The following FSHR variants were observed in gnomAD, a reference collection of about 807,000 sequenced individuals.
FSHR encodes follicle stimulating hormone receptor, also known as follicle-stimulating hormone receptor.
Under a neutral mutation model 52.1 loss-of-function variants are expected in FSHR, and 46 were observed. The ratio of observed to expected loss-of-function variants is 0.88; its 90% CI spans 0.70 to 1.13. The LOEUF is 1.13. Among genes scored for constraint, FSHR ranks in the 50% most tolerant of loss-of-function variants. The pLI, the probability that FSHR is intolerant of heterozygous loss-of-function variation, is 0.00. For synonymous variants in FSHR, 399 were observed against 309.6 expected, an observed-to-expected ratio of 1.29 and a Z score of -3.03; for missense variants, 964 against 834.6, an observed-to-expected ratio of 1.16 and a Z score of -1.91.
rs60949511 is a variant in FSHR at position 49,087,070 on chromosome 2, G to GATTTTTT, written c.153-18781_153-18780insAAAAAAT. On this transcript the variant is annotated intron_variant, in intron 1 of 9. Coordinates refer to ENST00000406846, the MANE Select transcript of FSHR (RefSeq NM_000145.4). ...GTAGTTGAGGGACCCTGTGGGCAGG[G>GATTTTTT]TTTTTTTTTTTTTTTTTTTTTTTTT... is the stretch of plus-strand genomic sequence containing the variant. Among the ~76,000 whole-genome samples, 52 of 86,724 alleles carry GATTTTTT rather than the reference G, an allele frequency of 6.0e-4. 1 individual carries two copies. The highest frequency in any genetic ancestry group is 2.1e-3 in the African/African-American group (48 of 23,374). 56.9% of individuals were successfully genotyped at this position (86,724 alleles called of 152,430 possible).
intron 2 of FSHR, among the ~76,000 whole-genome samples, chr2:49,037,230 G>A (rs962230405): frequency 2.0e-5 from 3 of 152,232 alleles, no homozygotes; most frequent in Non-Finnish European, 4.4e-5. Context: ...ACATGATTAT[G>A]TTGGGTGAGA....
intron 1 of FSHR, among the ~76,000 whole-genome samples, chr2:49,071,111 A>T (rs555255102): frequency 2.0e-5 from 3 of 152,298 alleles, no homozygotes; most frequent in African/African-American, 4.8e-5. Context: ...CATCTCATAC[A>T]CATTCTAGAA....
intron 1 of FSHR, among the ~76,000 whole-genome samples, chr2:49,071,090 A>G (rs1422432178): frequency 6.6e-6 from 1 of 152,208 alleles, no homozygotes; most frequent in African/African-American, 2.4e-5. Flanking sequence ...TGGAATGTAA[A>G]GATACATTTT....
chr2:48,962,790 T>C lies in FSHR; in HGVS notation c.2031A>G (p.Arg677=). The C allele has an allele frequency of 6.2e-7, 1 of 1,614,144 alleles. No homozygotes were observed. ...PRNGHCSSAP[R]VTSGSTYILV... Reference sequence around the variant, plus strand: ...GTATGTAAGTGGAACCACTGGTGACTCTGGGAGCTGAAGAGCAGTGGCCAT... The same window carrying C: ...GTATGTAAGTGGAACCACTGGTGACCCTGGGAGCTGAAGAGCAGTGGCCAT... Residue 677 remains arginine, a synonymous_variant, in exon 10 of 10, where the codon AGA becomes AGG. Transcript: ENST00000406846.
chr2:48,969,404 G>A (rs1674630932), intron 8 of FSHR, among the ~76,000 whole-genome samples: 1 of 152,218 alleles, frequency 6.6e-6, no homozygotes, highest in African/African-American at 2.4e-5. Context: ...AAGTCCAAGT[G>A]GCAGTACAGA....
At chr2:49,132,735 C>A (rs969432125) in intron 1 of FSHR, among the ~76,000 whole-genome samples, 12 of 152,010 alleles carry the variant, frequency 7.9e-5, no homozygotes, top group Non-Finnish European at 1.6e-4. Context: ...TACCTAACTG[C>A]TTTGCTTCTT....
intron 1 of FSHR, among the ~76,000 whole-genome samples, chr2:49,134,322 C>T (rs1252732447): frequency 6.6e-6 from 1 of 152,236 alleles, no homozygotes; most frequent in African/African-American, 2.4e-5. Flanking sequence ...AAATGCTCAT[C>T]ATCACTGGCC....
chr2:49,080,369 C>T (rs996597222), intron 1 of FSHR, among the ~76,000 whole-genome samples: 1 of 152,138 alleles, frequency 6.6e-6, no homozygotes, highest in African/African-American at 2.4e-5. Context: ...CACATGTACA[C>T]CTGGGGTCAG....
chr2:48,971,374 G>A (rs550900835), intron 8 of FSHR, among the ~76,000 whole-genome samples: 21 of 152,296 alleles, frequency 1.4e-4, no homozygotes, highest in East Asian at 5.8e-4. Context: ...TTCAGCTCTC[G>A]TTGAACAGAT....
At chr2:49,086,727 A>G (rs1670407080) in intron 1 of FSHR, among the ~76,000 whole-genome samples, 1 of 152,152 alleles carries the variant, frequency 6.6e-6, no homozygotes, top group Admixed American at 6.5e-5. Flanking sequence ...TGCAAACTCC[A>G]CATGCCAGGT....
At chr2:49,089,185 A>G (rs1210836844) in intron 1 of FSHR, among the ~76,000 whole-genome samples, 3 of 151,998 alleles carry the variant, frequency 2.0e-5, no homozygotes, top group African/African-American at 7.3e-5. Context: ...GATTATATCT[A>G]CACCTATTCC....
chr2:49,034,380 C>T (rs1172893813), intron 2 of FSHR, among the ~76,000 whole-genome samples: 2 of 152,156 alleles, frequency 1.3e-5, no homozygotes, highest in Non-Finnish European at 2.9e-5. Flanking sequence ...GTTAACTTCC[C>T]CAAATCTCCT....
chr2:49,011,685 C>T (rs1158378324), intron 4 of FSHR, among the ~76,000 whole-genome samples: 1 of 152,018 alleles, frequency 6.6e-6, no homozygotes, highest in Non-Finnish European at 1.5e-5. Context: ...TTTCAGAAAG[C>T]AAAGTTAAGC....
chr2:49,022,598 T>A (rs760265023), intron 2 of FSHR, among the ~76,000 whole-genome samples: 5 of 152,210 alleles, frequency 3.3e-5, no homozygotes, highest in Non-Finnish European at 5.9e-5. Flanking sequence ...GTTGGTATTT[T>A]GGTCTCCACA....
rs576118352 is a variant in FSHR, at chr2:49,081,437, C to G, written c.153-13147G>C. Among the ~76,000 whole-genome samples, 3 of 152,204 alleles carry G rather than the reference C, an allele frequency of 2.0e-5. No homozygotes were observed. The East Asian group carries it at 5.8e-4, about 29-fold the overall frequency. ...TTATGGGCATTTATTATAATATTCT[C>G]TATACTTCATGCTTGAAATATTTCA... is the stretch of plus-strand genomic sequence containing the variant. On this transcript the variant is annotated intron_variant, in intron 1 of 9. Transcript: ENST00000406846.
intron 4 of FSHR, chr2:49,014,591 TTCA>T (rs1246031399): frequency 1.3e-5 from 3 of 236,256 alleles, no homozygotes; most frequent in African/African-American, 7.0e-5. Flanking sequence ...GGGGTCCTCA[TTCA>T]TAAGAACAAA....
intron 4 of FSHR, among the ~76,000 whole-genome samples, chr2:48,995,883 T>C (rs894868238): frequency 1.2e-4 from 18 of 152,140 alleles, no homozygotes; most frequent in Non-Finnish European, 2.6e-4. Context: ...AAATCTACCA[T>C]GGCATGGAAT....
At chr2:49,091,588 T>C (rs1670613296) in intron 1 of FSHR, among the ~76,000 whole-genome samples, 3 of 152,196 alleles carry the variant, frequency 2.0e-5, no homozygotes, top group Non-Finnish European at 2.9e-5. Flanking sequence ...TGAGCCATCA[T>C]GCCCAGCCAA....
intron 4 of FSHR, among the ~76,000 whole-genome samples, chr2:48,991,626 G>T (rs1675783992): frequency 6.6e-6 from 1 of 152,200 alleles, no homozygotes; most frequent in South Asian, 2.1e-4. Flanking sequence ...GGTGTACAAG[G>T]CTAGGCCAGG....
Sources: gnomAD v4.1 joint callset for allele counts (sites outside exome capture counted in the v4.1 genomes callset) on GRCh38, gnomAD v4.1.1 for gene constraint, MANE v1.5 for transcripts, NCBI Gene and HGNC (gene_info 2026-07-23, HGNC 2026-07-21) for gene names.